Variants in SETD5 observed in about 807,000 individuals in gnomAD.
SETD5 encodes histone-lysine N-methyltransferase SETD5.
SETD5 carries 44 observed loss-of-function variants against 153.3 expected under a neutral mutation model. That is an observed-to-expected ratio of 0.29 (90% CI 0.23 to 0.37). The LOEUF is 0.37. Among genes scored for constraint, SETD5 ranks in the 10% least tolerant of loss-of-function variants. SETD5 has a pLI of 1.00. For synonymous variants in SETD5, 716 were observed against 645.2 expected (o/e 1.11, Z -1.66); for missense variants, 1,544 against 1,768.0 (o/e 0.87, Z 2.27).
At position 9,447,873 on chromosome 3, in the gene SETD5, T is replaced by C. The variant is rs1488289001; in HGVS notation, c.1970T>C (p.Val657Ala). Residue 657 changes from valine (V) to alanine (A), a missense_variant, in exon 15 of 23, where the codon GTA becomes GCA. Val to Ala is a moderately conservative substitution (Grantham distance 64, BLOSUM62 0). Coordinates refer to ENST00000402198, the MANE Select transcript of SETD5 (RefSeq NM_001080517.3). ...ALEEGGSNSL[V>A]TPTEAGSLDS... ...GAAGAGGGAGGAAGTAACAGTTTAG[T>C]AACTCCTACTGAAGCTGGAAGTCTA... 2 of 1,613,982 alleles carry C rather than the reference T, an allele frequency of 1.2e-6. No individual in the cohort carries two copies. Among genetic ancestry groups the C allele is most frequent in the Non-Finnish European group, 1.7e-6 (2 of 1,179,870 alleles).
rs1467314291 is a variant in SETD5, at chr3:9,477,771, G to C, written c.*1680G>C. 1 of 151,706 alleles carries C rather than the reference G, an allele frequency of 6.6e-6. No homozygotes were observed. The highest frequency in any genetic ancestry group is 1.5e-5 in the Non-Finnish European group (1 of 67,934). 9.4% of individuals were successfully genotyped at this position (151,706 alleles called of 1,614,324 possible). ...CCCACAAACCCATCAGTCTGGGAGA[G>C]CATTGGGAGTGGAAATCATGTTGCC... On this transcript the variant is annotated 3_prime_UTR_variant, in exon 23 of 23. Transcript: ENST00000402198.
At chr3:9,448,293 A>G in intron 15 of SETD5, 95 bp from the exon 16 acceptor site, 1 of 1,499,600 alleles carries the variant, frequency 6.7e-7, no homozygotes, top group Non-Finnish European at 8.9e-7. Flanking sequence ...CAGCTGCTGC[A>G]TCTCCTCCTG....
In SETD5 at chr3:9,453,699, A is replaced by G. The variant is rs118075862; in HGVS notation, c.2347-40A>G. On this transcript the variant is annotated intron_variant, in intron 16 of 22. Coordinates refer to ENST00000402198, the MANE Select transcript of SETD5 (RefSeq NM_001080517.3). Reference sequence around the variant, plus strand: ...TAAAACAGGTGCACTAAATAGTTTTAGATAATTATTGATAATTCTCTGGTT... The same window carrying G: ...TAAAACAGGTGCACTAAATAGTTTTGGATAATTATTGATAATTCTCTGGTT... 1,460 of 1,545,740 alleles carry G rather than the reference A, an allele frequency of 9.4e-4. 28 individuals carry two copies. The East Asian group carries it at 0.016, about 17-fold the overall frequency.
chr3:9,475,129 T>G lies in SETD5; in HGVS notation c.3693T>G (p.Val1231=). ...CAGCACTCTCTAAAGGAGCAACAGT[T>G]TACAGCCCTTCCAGATACAGCTACC... ...LSSALSKGAT[V]YSPSRYSYQL... Residue 1231 remains valine (V), a synonymous_variant, in exon 22 of 23, where the codon GTT becomes GTG. Transcript: ENST00000402198. 6.3e-7 allele frequency: 1 copy of G among 1,589,196 alleles called. No homozygotes were observed. The highest frequency in any genetic ancestry group is 1.7e-4 in the Middle Eastern group (1 of 6,036).
intron 17 of SETD5, among the ~76,000 whole-genome samples, chr3:9,459,315 T>A (rs536366024): frequency 6.6e-6 from 1 of 152,234 alleles, no homozygotes; most frequent in Non-Finnish European, 1.5e-5. Flanking sequence ...TGTAATTTTA[T>A]CTGCTTGTGC....
intron 2 of SETD5, among the ~76,000 whole-genome samples, chr3:9,426,511 C>T (rs770796844): frequency 5.3e-5 from 8 of 151,856 alleles, no homozygotes; most frequent in Admixed American, 1.3e-4. Flanking sequence ...ATTCTCCTGC[C>T]TCAGCCTCCT....
intron 16 of SETD5, among the ~76,000 whole-genome samples, chr3:9,450,135 A>G (rs543424537): frequency 2.0e-5 from 3 of 152,336 alleles, no homozygotes; most frequent in Admixed American, 6.5e-5. Flanking sequence ...GTAACTTCAG[A>G]TCTGGTAGAA....
At chr3:9,403,366 C>G (rs2035135824) in intron 1 of SETD5, among the ~76,000 whole-genome samples, 1 of 152,164 alleles carries the variant, frequency 6.6e-6, no homozygotes, top group African/African-American at 2.4e-5. Flanking sequence ...GAGCTGAATT[C>G]TCATTAAGAA....
Position 9,433,837 on chromosome 3 carries a change from T to A in SETD5, c.72-8T>A. The A allele has an allele frequency of 6.2e-7, 1 of 1,613,542 alleles. No individual in the cohort carries two copies. The highest frequency in any genetic ancestry group is 8.5e-7 in the Non-Finnish European group (1 of 1,179,572). Reference sequence around the variant, plus strand: ...TGCTATCATGCATTGCTTTTCGCCTTTGTGCAGCCCTGAATCTGTGGAGGC... The same window carrying A: ...TGCTATCATGCATTGCTTTTCGCCTATGTGCAGCCCTGAATCTGTGGAGGC... On this transcript the variant is annotated splice_polypyrimidine_tract_variant and splice_region_variant and intron_variant, in intron 3 of 22. Transcript: ENST00000402198.
intron 1 of SETD5, chr3:9,423,181 A>G (rs968913828): frequency 4.6e-5 from 7 of 152,252 alleles, no homozygotes; most frequent in African/African-American, 1.7e-4. Flanking sequence ...GCTTTCAGCA[A>G]GTCATATAGA....
At chr3:9,417,125 AC>A (rs2037581701) in intron 1 of SETD5, among the ~76,000 whole-genome samples, 1 of 152,172 alleles carries the variant, frequency 6.6e-6, no homozygotes, top group Non-Finnish European at 1.5e-5. Context: ...AATGATAGTA[AC>A]CAAAGTTATG....
At chr3:9,431,763 C>T (rs1249297331) in intron 3 of SETD5, 1 of 969,556 alleles carries the variant, frequency 1.0e-6, no homozygotes, top group African/African-American at 1.8e-5. Flanking sequence ...GGGTAAGATA[C>T]AACCAGCATA....
rs772406559 is a variant in SETD5, at chr3:9,473,500, T to A, written c.3460T>A (p.Ser1154Thr). The A allele has an allele frequency of 6.2e-7, 1 of 1,613,720 alleles. No individual in the cohort carries two copies. The highest frequency in any genetic ancestry group is 1.1e-5 in the South Asian group (1 of 91,026). ...SPSDSRGTSS[S>T]HCRPQENISS... ...ATCAGATTCCAGAGGCACTTCTTCA[T>A]CTCACTGCAGACCTCAAGAGAATAT... Residue 1154 changes from serine to threonine, a missense_variant, in exon 20 of 23, where the codon TCT (serine) becomes ACT (threonine). By Grantham distance (58) the Ser-to-Thr change is moderately conservative (BLOSUM62 1). Around this residue, in one of 9 missense-constraint regions of SETD5, gnomAD observed 93 missense variants for 93.4 expected, o/e 1.00. Transcript: ENST00000402198.
rs5846639 is a variant in SETD5, at chr3:9,476,459, T to TA, written c.*387dup. 3,138 of 113,656 alleles carry TA rather than the reference T, an allele frequency of 0.028. 46 individuals carry two copies. The highest frequency in any genetic ancestry group is 0.037 in the Non-Finnish European group (1,969 of 53,090). The allele number at this position is 113,656 out of a possible 1,614,324, so 7.0% of individuals were successfully genotyped here. On this transcript the variant is annotated 3_prime_UTR_variant, in exon 23 of 23. Transcript: ENST00000402198. The stretch of plus-strand genomic sequence containing the variant: ...TGCAGTGAGGACATCTTTTTAAATT[T>TA]AAAAAAAAAAAAAAAAAAAGTTTTC...
intron 12 of SETD5, 145 bp from the exon 13 acceptor site, chr3:9,445,512 T>A (rs2041832190): frequency 1.2e-6 from 1 of 868,444 alleles, no homozygotes; most frequent in African/African-American, 1.7e-5. Context: ...GGGTTAGTTA[T>A]CATCTGTGTT....
intron 7 of SETD5, among the ~76,000 whole-genome samples, chr3:9,439,004 T>C (rs1034495560): frequency 1.3e-5 from 2 of 152,222 alleles, no homozygotes; most frequent in Admixed American, 1.3e-4. Flanking sequence ...CACAGTGAGA[T>C]TAGCGAACAA....
At chr3:9,427,831 A>G (rs1425751865) in intron 2 of SETD5, among the ~76,000 whole-genome samples, 1 of 152,200 alleles carries the variant, frequency 6.6e-6, no homozygotes, top group Admixed American at 6.5e-5. Context: ...AAAGTCACAC[A>G]AAGAACACTT....
At chr3:9,467,828 C>T (rs1290394656) in intron 18 of SETD5, among the ~76,000 whole-genome samples, 5 of 152,058 alleles carry the variant, frequency 3.3e-5, no homozygotes, top group African/African-American at 1.2e-4. Context: ...CCTAAGTATA[C>T]ACATACATGC....
chr3:9,443,083 A>G (rs1476140122), intron 10 of SETD5: 1 of 404,724 alleles, frequency 2.5e-6, no homozygotes, highest in African/African-American at 2.1e-5. Context: ...GATTTCTAAC[A>G]TCTCAAGGTT....
Sources: allele counts gnomAD v4.1 joint callset (sites outside exome capture counted in the v4.1 genomes callset), GRCh38; gene constraint gnomAD v4.1.1; regional missense constraint gnomAD v4.1.1; transcripts MANE v1.5; gene names NCBI Gene and HGNC (gene_info 2026-07-23, HGNC 2026-07-21).